STXBP5L: variants seen among roughly 807,000 people sequenced by gnomAD.
STXBP5L encodes the protein syntaxin binding protein 5L.
In STXBP5L, 65 loss-of-function variants were observed where a neutral mutation model predicts 144.5. The ratio of observed to expected loss-of-function variants is 0.45; its 90% CI spans 0.37 to 0.55. STXBP5L has a LOEUF of 0.55. Ranked by LOEUF, STXBP5L falls within the 20% of genes least tolerant of loss-of-function variation. The pLI, the probability that STXBP5L is intolerant of heterozygous loss-of-function variation, is 0.00. For synonymous variants in STXBP5L, 505 were observed against 469.6 expected (o/e 1.08, Z -0.97); for missense variants, 1,298 against 1,405.5 (o/e 0.92, Z 1.22).
At chr3:121,268,377 G>T (rs1363218351) in intron 18 of STXBP5L, among the ~76,000 whole-genome samples, 1 of 152,094 alleles carries the variant, frequency 6.6e-6, no homozygotes, top group Non-Finnish European at 1.5e-5. Flanking sequence ...GACACAGGGA[G>T]GGGAACATCA....
At chr3:121,382,138 C>A (rs1157327187) in intron 22 of STXBP5L, among the ~76,000 whole-genome samples, 1 of 151,900 alleles carries the variant, frequency 6.6e-6, no homozygotes, top group Non-Finnish European at 1.5e-5. Context: ...TATGATTCCT[C>A]CTGTTATTCC....
chr3:120,915,869 A>C (rs1307926041), intron 2 of STXBP5L, among the ~76,000 whole-genome samples: 1 of 152,186 alleles, frequency 6.6e-6, no homozygotes, highest in Non-Finnish European at 1.5e-5. Flanking sequence ...AAAAGTATAT[A>C]GTGGGTTCAC....
At chr3:121,029,257 T>A (rs2107497645) in intron 3 of STXBP5L, among the ~76,000 whole-genome samples, 1 of 152,294 alleles carries the variant, frequency 6.6e-6, no homozygotes, top group South Asian at 2.1e-4. Context: ...GCTGGAGGCA[T>A]CACGCTATGT....
intron 9 of STXBP5L, among the ~76,000 whole-genome samples, chr3:121,186,990 G>A (rs1010471840): frequency 2.0e-5 from 3 of 152,144 alleles, no homozygotes; most frequent in Admixed American, 6.5e-5. Context: ...TTCAACCATT[G>A]TGGAAGTCAG....
intron 21 of STXBP5L, among the ~76,000 whole-genome samples, chr3:121,380,410 T>A (rs1313262614): frequency 2.6e-5 from 4 of 152,140 alleles, no homozygotes; most frequent in African/African-American, 9.7e-5. Context: ...GAGTTACATG[T>A]GTACCTATCA....
chr3:121,361,709 T>A (rs1201727601), intron 20 of STXBP5L, among the ~76,000 whole-genome samples: 1 of 150,348 alleles, frequency 6.7e-6, no homozygotes, highest in Non-Finnish European at 1.5e-5. Flanking sequence ...TATCTCGAAT[T>A]TTTTTTTTTA....
rs2047308252 is a variant in STXBP5L at position 121,419,176 on chromosome 3, C to T, written c.*79C>T. On this transcript the variant is annotated 3_prime_UTR_variant, in exon 27 of 27. Coordinates refer to ENST00000471454, the MANE Select transcript of STXBP5L (RefSeq NM_001308330.2). ...TATTCCCAGCATCACTACTCAACTG[C>T]TAGAAGCCAGTTTCTTCTACAAAAT... The T allele has an allele frequency of 6.8e-6, 9 of 1,323,410 alleles. No individual in the cohort carries two copies. The South Asian group carries it at 1.2e-4, about 18-fold the overall frequency. The allele number at this position is 1,323,410 out of a possible 1,614,324, so 82.0% of individuals were successfully genotyped here.
intron 3 of STXBP5L, among the ~76,000 whole-genome samples, chr3:120,975,154 A>G (rs1940803278): frequency 6.6e-6 from 1 of 152,110 alleles, no homozygotes. Flanking sequence ...TTTTCACGAT[A>G]TTGCTTCTTC....
At chr3:121,348,112 A>G (rs893753496) in intron 20 of STXBP5L, among the ~76,000 whole-genome samples, 1 of 152,092 alleles carries the variant, frequency 6.6e-6, no homozygotes, top group Non-Finnish European at 1.5e-5. Flanking sequence ...GATAGCTCTT[A>G]TTATTTTGAG....
intron 15 of STXBP5L, among the ~76,000 whole-genome samples, chr3:121,253,253 G>GA (rs2050084685): frequency 6.9e-6 from 1 of 145,378 alleles, no homozygotes. Flanking sequence ...CAAAAACATT[G>GA]CAAAAAAAAA....
chr3:121,100,139 A>C (rs2043340814), intron 5 of STXBP5L, among the ~76,000 whole-genome samples: 1 of 152,220 alleles, frequency 6.6e-6, no homozygotes, highest in Admixed American at 6.5e-5. Context: ...AGACAGCTAC[A>C]CAATAAGAGT....
At chr3:120,946,511 A>G (rs747820387) in intron 2 of STXBP5L, among the ~76,000 whole-genome samples, 1 of 151,724 alleles carries the variant, frequency 6.6e-6, no homozygotes, top group Non-Finnish European at 1.5e-5. Context: ...AGGCTGATAA[A>G]TATAGTATTT....
At chr3:121,114,221 G>A (rs1031893894) in intron 5 of STXBP5L, among the ~76,000 whole-genome samples, 1 of 152,074 alleles carries the variant, frequency 6.6e-6, no homozygotes, top group Non-Finnish European at 1.5e-5. Flanking sequence ...TATGGAACAG[G>A]TCCTAGAGCT....
At chr3:121,119,413 A>C (rs2044363798) in intron 6 of STXBP5L, among the ~76,000 whole-genome samples, 1 of 151,348 alleles carries the variant, frequency 6.6e-6, no homozygotes, top group East Asian at 1.9e-4. Flanking sequence ...CTAGGACAGG[A>C]TACCATAGAA....
chr3:121,002,074 C>T (rs1376949431), intron 3 of STXBP5L, among the ~76,000 whole-genome samples: 3 of 152,138 alleles, frequency 2.0e-5, no homozygotes, highest in Admixed American at 2.0e-4. Flanking sequence ...CATATATACC[C>T]AGAAGAGAGA....
chr3:121,014,801 C>T (rs1945028005), intron 3 of STXBP5L, among the ~76,000 whole-genome samples: 1 of 151,816 alleles, frequency 6.6e-6, no homozygotes, highest in Non-Finnish European at 1.5e-5. Flanking sequence ...ATCTAAAAAG[C>T]AACTATTAGA....
intron 5 of STXBP5L, among the ~76,000 whole-genome samples, chr3:121,067,501 C>G (rs966781756): frequency 5.3e-5 from 8 of 152,046 alleles, no homozygotes; most frequent in Non-Finnish European, 7.4e-5. Context: ...ATGGTTTTAG[C>G]TTCTTTGACA....
At chr3:121,369,563 C>T (rs1291651561) in intron 20 of STXBP5L, among the ~76,000 whole-genome samples, 1 of 148,522 alleles carries the variant, frequency 6.7e-6, no homozygotes, top group East Asian at 2.0e-4. Context: ...TGTCGTGGTT[C>T]TTTGATTTTT....
chr3:120,942,268 TTTA>T (rs1710603753), intron 2 of STXBP5L, among the ~76,000 whole-genome samples: 1 of 151,698 alleles, frequency 6.6e-6, no homozygotes, highest in Admixed American at 6.6e-5. Context: ...CTGATGGGAT[TTTA>T]TTGTCACAGC....
Sources: gnomAD v4.1 joint callset for allele counts (sites outside exome capture counted in the v4.1 genomes callset) on GRCh38, gnomAD v4.1.1 for gene constraint, MANE v1.5 for transcripts, NCBI Gene and HGNC (gene_info 2026-07-23, HGNC 2026-07-21) for gene names.